The following AUTS2 variants were observed in gnomAD, a reference collection of about 807,000 sequenced individuals.
The protein encoded by AUTS2 is autism susceptibility gene 2 protein.
AUTS2 carries 17 observed loss-of-function variants against 112.4 expected under a neutral mutation model. That is an observed-to-expected ratio of 0.15 (90% CI 0.10 to 0.23). The LOEUF is 0.23. Among genes scored for constraint, AUTS2 ranks in the 10% least tolerant of loss-of-function variants. AUTS2 has a pLI of 1.00. For synonymous variants in AUTS2, 751 were observed against 702.7 expected, an observed-to-expected ratio of 1.07 and a Z score of -1.09; for missense variants, 1,510 against 1,701.6, an observed-to-expected ratio of 0.89 and a Z score of 1.98.
chr7:70,296,087 A>G (rs6952281), intron 4 of AUTS2, among the ~76,000 whole-genome samples: 48,845 of 152,036 alleles, frequency 0.32, 8,355 homozygotes, highest in African/African-American at 0.44. Context: ...CTTGCAGCTG[A>G]CCTGTGGCAT....
At chr7:70,556,577 C>G (rs1026363589) in intron 5 of AUTS2, among the ~76,000 whole-genome samples, 10 of 152,178 alleles carry the variant, frequency 6.6e-5, no homozygotes, top group African/African-American at 2.4e-4. Flanking sequence ...GGAATTCTCC[C>G]TTCCTTCACT....
intron 5 of AUTS2, among the ~76,000 whole-genome samples, chr7:70,566,926 CAG>C (rs1801733550): frequency 6.6e-6 from 1 of 152,126 alleles, no homozygotes; most frequent in South Asian, 2.1e-4. Context: ...CCTGGGAGCT[CAG>C]AGTTATGTTT....
At chr7:70,090,555 G>A (rs909964168) in intron 2 of AUTS2, among the ~76,000 whole-genome samples, 3 of 151,822 alleles carry the variant, frequency 2.0e-5, no homozygotes, top group Admixed American at 6.6e-5. Context: ...GTAGAGATGG[G>A]ATTTCACCAT....
At chr7:70,788,059 A>C (rs1289093019) in intron 18 of AUTS2, among the ~76,000 whole-genome samples, 1 of 152,150 alleles carries the variant, frequency 6.6e-6, no homozygotes, top group Non-Finnish European at 1.5e-5. Context: ...TAAAAAAAAA[A>C]GTAGCGTTAA....
chr7:70,219,698 A>G (rs1811373672), intron 4 of AUTS2, among the ~76,000 whole-genome samples: 1 of 151,880 alleles, frequency 6.6e-6, no homozygotes, highest in African/African-American at 2.4e-5. Flanking sequence ...CAGCCTCTCA[A>G]ATAGCTGGGA....
intron 4 of AUTS2, among the ~76,000 whole-genome samples, chr7:70,306,058 A>G (rs1475706358): frequency 2.0e-5 from 3 of 152,354 alleles, no homozygotes; most frequent in Middle Eastern, 3.4e-3. Context: ...TCTAAATTTA[A>G]TGTTTTATTT....
chr7:70,489,131 A>G (rs1188577578), intron 5 of AUTS2, among the ~76,000 whole-genome samples: 1 of 152,198 alleles, frequency 6.6e-6, no homozygotes, highest in Non-Finnish European at 1.5e-5. Flanking sequence ...CCCCAAAGCA[A>G]CTCATTCTGG....
chr7:70,380,985 T>G (rs561184069), intron 4 of AUTS2, among the ~76,000 whole-genome samples: 2 of 152,226 alleles, frequency 1.3e-5, no homozygotes, highest in Non-Finnish European at 2.9e-5. Context: ...TAGAAGAGTA[T>G]AGGATAAATA....
intron 4 of AUTS2, among the ~76,000 whole-genome samples, chr7:70,261,636 G>C (rs1293655851): frequency 1.3e-5 from 2 of 152,120 alleles, no homozygotes; most frequent in Non-Finnish European, 2.9e-5. Flanking sequence ...ATTGAAATCA[G>C]ATTTAAATAT....
At chr7:70,237,894 C>T (rs1425079750) in intron 4 of AUTS2, among the ~76,000 whole-genome samples, 4 of 152,134 alleles carry the variant, frequency 2.6e-5, no homozygotes, top group Admixed American at 1.3e-4. Flanking sequence ...ACACTCGGAG[C>T]GATTGCTGGA....
chr7:70,533,714 C>G (rs1260182882), intron 5 of AUTS2, among the ~76,000 whole-genome samples: 1 of 152,252 alleles, frequency 6.6e-6, no homozygotes, highest in Non-Finnish European at 1.5e-5. Flanking sequence ...ATGCAGACCT[C>G]ATAGTCAGAC....
At chr7:69,901,995 G>A (rs2129540884) in intron 2 of AUTS2, among the ~76,000 whole-genome samples, 1 of 152,314 alleles carries the variant, frequency 6.6e-6, no homozygotes, top group South Asian at 2.1e-4. Context: ...AAAGGAGTCT[G>A]TAGGTCTGAA....
At chr7:70,596,000 C>G (rs993499840) in intron 5 of AUTS2, 1 of 152,310 alleles carries the variant, frequency 6.6e-6, no homozygotes, top group Middle Eastern at 3.4e-3. Flanking sequence ...GCCGCCGCAA[C>G]CCGCGCAGCA....
chr7:70,645,263 G>T (rs1033616531), intron 5 of AUTS2, among the ~76,000 whole-genome samples: 13 of 127,276 alleles, frequency 1.0e-4, no homozygotes, highest in Admixed American at 2.1e-4. Context: ...AGCTGGACAT[G>T]AAAAGGAGAG....
chr7:69,910,960 G>T (rs1055430035), intron 2 of AUTS2, among the ~76,000 whole-genome samples: 2 of 152,206 alleles, frequency 1.3e-5, no homozygotes, highest in African/African-American at 4.8e-5. Flanking sequence ...CAGATCTCTT[G>T]AGAGTTACTC....
chr7:70,274,713 A>T (rs898705265), intron 4 of AUTS2, among the ~76,000 whole-genome samples: 2 of 152,212 alleles, frequency 1.3e-5, no homozygotes, highest in East Asian at 3.9e-4. Flanking sequence ...TCGGAATGGT[A>T]GAGACGGAAA....
At chr7:69,626,353 A>G (rs1295580948) in intron 1 of AUTS2, among the ~76,000 whole-genome samples, 1 of 151,906 alleles carries the variant, frequency 6.6e-6, no homozygotes, top group Non-Finnish European at 1.5e-5. Context: ...GCTATCTTTT[A>G]AGCTCCAATT....
At chr7:70,472,056 T>A (rs1454161749) in intron 5 of AUTS2, among the ~76,000 whole-genome samples, 1 of 152,156 alleles carries the variant, frequency 6.6e-6, no homozygotes, top group Non-Finnish European at 1.5e-5. Context: ...CACACAGTGG[T>A]GTGTCCTCCC....
intron 5 of AUTS2, among the ~76,000 whole-genome samples, chr7:70,636,581 G>A (rs1585414838): frequency 6.6e-6 from 1 of 152,076 alleles, no homozygotes; most frequent in Non-Finnish European, 1.5e-5. Flanking sequence ...TTATAAAGTG[G>A]GAATAATCAT....
Sources: allele counts gnomAD v4.1 joint callset (sites outside exome capture counted in the v4.1 genomes callset), GRCh38; gene constraint gnomAD v4.1.1; transcripts MANE v1.5; gene names NCBI Gene and HGNC (gene_info 2026-07-23, HGNC 2026-07-21).